CD84: variants seen among roughly 807,000 people sequenced by gnomAD.
CD84 encodes CD84 molecule, also known as SLAM family member 5.
In CD84, 22 loss-of-function variants were observed where a neutral mutation model predicts 33.8. The observed-to-expected ratio is 0.65, with a 90% CI of 0.46 to 0.93. The LOEUF (loss-of-function observed/expected upper bound fraction) is 0.93. CD84 is among the 40% of genes least tolerant of loss of function. The pLI is 0.00. For synonymous variants in CD84, 154 were observed against 145.2 expected, an observed-to-expected ratio of 1.06 and a Z score of -0.44; for missense variants, 400 against 397.6, an observed-to-expected ratio of 1.01 and a Z score of -0.05.
chr1:160,565,000 G>C (rs1657228111), intron 2 of CD84, among the ~76,000 whole-genome samples: 1 of 152,116 alleles, frequency 6.6e-6, no homozygotes, highest in Non-Finnish European at 1.5e-5. Flanking sequence ...GTTAACACAG[G>C]GTGAAGGGTA....
At chr1:160,573,906 T>A (rs576885423) in intron 1 of CD84, among the ~76,000 whole-genome samples, 1 of 152,026 alleles carries the variant, frequency 6.6e-6, no homozygotes, top group East Asian at 1.9e-4. Context: ...GGAAACACAA[T>A]GAGATCCCAT....
chr1:160,561,076 T>G lies in CD84; in HGVS notation c.388+4328A>C, dbSNP rs185900461. ...GGACCAGACAGATTCACAGCTGAGT[T>G]CTACAAGAAGTACAAAGAAGAGCTG... is the stretch of plus-strand genomic sequence containing the variant. On this transcript the variant is annotated intron_variant, in intron 2 of 6. Transcript: ENST00000368054. 1.8e-3 allele frequency among the ~76,000 whole-genome samples: 272 copies of G among 152,240 alleles called. 1 individual carries two copies. The highest frequency in any genetic ancestry group is 6.2e-3 in the African/African-American group (258 of 41,538).
intron 2 of CD84, among the ~76,000 whole-genome samples, chr1:160,555,808 T>A (rs1206333656): frequency 6.6e-6 from 1 of 151,524 alleles, no homozygotes; most frequent in African/African-American, 2.4e-5. Context: ...ACACAAGATA[T>A]AAGAACCATT....
intron 1 of CD84, among the ~76,000 whole-genome samples, chr1:160,574,583 A>G (rs1657885372): frequency 6.6e-6 from 1 of 152,268 alleles, no homozygotes; most frequent in Middle Eastern, 3.4e-3. Context: ...GTGTGTACTA[A>G]TGGAGGAGAG....
At chr1:160,553,602 G>A (rs1269264595) in intron 3 of CD84, 105 bp from the exon 4 acceptor site, 16 of 1,336,918 alleles carry the variant, frequency 1.2e-5, no homozygotes, top group East Asian at 2.3e-5. Flanking sequence ...GGTGCCCTCC[G>A]AAGGAGTGCC....
At chr1:160,565,249 T>A (rs1254690630) in intron 2 of CD84, among the ~76,000 whole-genome samples, 155 bp downstream of exon 2, 1 of 152,158 alleles carries the variant, frequency 6.6e-6, no homozygotes, top group African/African-American at 2.4e-5. Context: ...GAAATAAGAC[T>A]ACATCCTCTT....
At chr1:160,555,222 T>C (rs1656524194) in intron 2 of CD84, among the ~76,000 whole-genome samples, 1 of 151,906 alleles carries the variant, frequency 6.6e-6, no homozygotes, top group South Asian at 2.1e-4. Context: ...TAGCTGGGAC[T>C]ACAGGTGCCC....
chr1:160,551,860 T>C (rs928325117), intron 4 of CD84, among the ~76,000 whole-genome samples: 1 of 152,186 alleles, frequency 6.6e-6, no homozygotes, highest in Non-Finnish European at 1.5e-5. Context: ...ACACAGTTAA[T>C]AAACATTTAT....
In CD84 at chr1:160,543,629, A is replaced by ATTATTATTATTATTATTT. The variant is rs1655662294; in HGVS notation, c.*4626_*4627insAAATAATAATAATAATAA. The ATTATTATTATTATTATTT allele has an allele frequency of 6.7e-6, 1 of 148,640 alleles. No homozygotes were observed. The highest frequency in any genetic ancestry group is 1.5e-5 in the Non-Finnish European group (1 of 67,286). The allele number at this position is 148,640 out of a possible 1,614,324, so 9.2% of individuals were successfully genotyped here. ...TATTATTATTATTATTATTATTATT[A>ATTATTATTATTATTATTT]TTTAGGTATATCCCCTGTTCTCTCA... On this transcript the variant is annotated 3_prime_UTR_variant, in exon 7 of 7. Coordinates refer to ENST00000368054, the MANE Select transcript of CD84 (RefSeq NM_003874.4).
intron 2 of CD84, among the ~76,000 whole-genome samples, chr1:160,556,759 T>C (rs970237904): frequency 1.3e-5 from 2 of 152,258 alleles, no homozygotes; most frequent in African/African-American, 2.4e-5. Context: ...GTATATACAG[T>C]ACAGCTTTCT....
intron 1 of CD84, among the ~76,000 whole-genome samples, chr1:160,573,496 T>C (rs1361278363): frequency 6.6e-6 from 1 of 152,216 alleles, no homozygotes; most frequent in Admixed American, 6.5e-5. Context: ...CCCTCTGTTC[T>C]GTAAACAGGC....
Position 160,543,602 on chromosome 1 carries a change from T to TTATTATTATTATTA in CD84, c.*4653_*4654insTAATAATAATAATA, listed in dbSNP as rs1553230402. 7.0e-6 allele frequency: 1 copy of TTATTATTATTATTA among 142,702 alleles called. No individual in the cohort carries two copies. The highest frequency in any genetic ancestry group is 2.6e-5 in the African/African-American group (1 of 38,740). The allele number at this position is 142,702 out of a possible 1,614,324, so 8.8% of individuals were successfully genotyped here. A position where few individuals can be genotyped will look rare whatever the true frequency, so the allele number is the denominator to read the frequency against. On this transcript the variant is annotated 3_prime_UTR_variant, in exon 7 of 7. Transcript: ENST00000368054. ...ATCTTCAAGGAGCTCTCCATTATTA[T>TTATTATTATTATTA]TTATTATTATTATTATTATTATTAT...
chr1:160,578,905 G>C (rs889218351), intron 1 of CD84, among the ~76,000 whole-genome samples: 1 of 152,110 alleles, frequency 6.6e-6, no homozygotes, highest in African/African-American at 2.4e-5. Context: ...AAAATAAAGG[G>C]AGTTTATAGA....
At chr1:160,561,763 C>T (rs78009364) in intron 2 of CD84, among the ~76,000 whole-genome samples, 1 of 151,946 alleles carries the variant, frequency 6.6e-6, no homozygotes, top group Non-Finnish European at 1.5e-5. Context: ...TCTAGAAAAC[C>T]CCATAATCTC....
chr1:160,558,458 G>A (rs116223887), intron 2 of CD84, among the ~76,000 whole-genome samples: 2 of 152,158 alleles, frequency 1.3e-5, no homozygotes, highest in Admixed American at 6.5e-5. Flanking sequence ...CAACAAAAAA[G>A]ACCTCAGAAA....
intron 1 of CD84, 37 bp downstream of exon 1, chr1:160,579,355 G>A: frequency 6.2e-7 from 1 of 1,612,544 alleles, no homozygotes; most frequent in Non-Finnish European, 8.5e-7. Flanking sequence ...AAACTTTATG[G>A]AAAACTAGGA....
Position 160,553,505 on chromosome 1 carries a change from T to C in CD84, c.641-8A>G, listed in dbSNP as rs74124862. 15,416 of 1,613,940 alleles carry C rather than the reference T, an allele frequency of 9.6e-3. 1,192 individuals are homozygous for C. The African/African-American group carries it at 0.17, about 18-fold the overall frequency. On this transcript the variant is annotated splice_polypyrimidine_tract_variant and splice_region_variant and intron_variant, in intron 3 of 6. Transcript: ENST00000368054. ...GGAAGCCCATTGCGATGTCTGGAAA[T>C]AGAAGATGCAGTGAGTCTTGATTCT...
rs1656431541 is a variant in CD84 at position 160,554,029 on chromosome 1, C to G, written c.506G>C (p.Ser169Thr). The G allele has an allele frequency of 6.2e-7, 1 of 1,614,208 alleles. No homozygotes were observed. Among genetic ancestry groups the G allele is most frequent in the African/African-American group, 1.3e-5 (1 of 75,034 alleles). The change falls in exon 3 of 7, where the codon AGT becomes ACT. Residue 169 changes from serine (S) to threonine (T), a missense_variant. By Grantham distance (58) the Ser-to-Thr change is moderately conservative. Transcript: ENST00000368054. Reference protein sequence around the residue: ...KEEKNVTYNWSPLGEEGNVLQ... With the variant: ...KEEKNVTYNWTPLGEEGNVLQ... ...GACATTACCCTCTTCTCCCAGGGGA[C>G]TCCAATTGTATGTCACATTCTTTTC... is the stretch of plus-strand genomic sequence containing the variant.
At position 160,543,076 on chromosome 1, in the gene CD84, A is replaced by T. The variant is rs928892609; in HGVS notation, c.*5180T>A. The T allele has an allele frequency of 1.3e-5, 2 of 152,178 alleles. No individual in the cohort carries two copies. 9.4% of individuals were successfully genotyped at this position (152,178 alleles called of 1,614,324 possible). ...ATGACCTGAAACCCCTGCCTGTCCA[A>T]AATGCATATAGAGAGCTCTATCCAA... On this transcript the variant is annotated 3_prime_UTR_variant, in exon 7 of 7. Coordinates refer to ENST00000368054, the MANE Select transcript of CD84 (RefSeq NM_003874.4).
Sources: gnomAD v4.1 joint callset for allele counts (sites outside exome capture counted in the v4.1 genomes callset) on GRCh38, gnomAD v4.1.1 for gene constraint, MANE v1.5 for transcripts, NCBI Gene and HGNC (gene_info 2026-07-23, HGNC 2026-07-21) for gene names.